The following NAALADL2 variants were observed in gnomAD, a reference collection of about 807,000 sequenced individuals.
The protein encoded by NAALADL2 is N-acetylated alpha-linked acidic dipeptidase like 2, also known as inactive N-acetylated-alpha-linked acidic dipeptidase-like protein 2.
Under a neutral mutation model 87.2 loss-of-function variants are expected in NAALADL2, and 76 were observed. That is an observed-to-expected ratio of 0.87 (90% CI 0.72 to 1.05). The LOEUF is 1.05. Among genes scored for constraint, NAALADL2 ranks in the 50% least tolerant of loss-of-function variants. The pLI is 0.00. For synonymous variants in NAALADL2, 354 were observed against 331.0 expected (o/e 1.07, Z -0.75); for missense variants, 1,089 against 945.8 (o/e 1.15, Z -1.99).
chr3:175,563,751 A>G (rs1306111283), intron 9 of NAALADL2, among the ~76,000 whole-genome samples: 1 of 152,066 alleles, frequency 6.6e-6, no homozygotes, highest in African/African-American at 2.4e-5. Context: ...TGAGTGAAAG[A>G]CTCCTTGGTA....
chr3:174,918,639 G>T (rs1386065374), intron 1 of NAALADL2, among the ~76,000 whole-genome samples: 1 of 152,078 alleles, frequency 6.6e-6, no homozygotes, highest in Non-Finnish European at 1.5e-5. Flanking sequence ...GTTACCTCAG[G>T]GTTGCTCCCA....
chr3:175,718,194 G>GTTTTTT, intron 11 of NAALADL2: 1 of 1,034,870 alleles, frequency 9.7e-7, no homozygotes, highest in Non-Finnish European at 1.3e-6. Flanking sequence ...AAGGGCCTGT[G>GTTTTTT]GTTTTTTTTT....
At chr3:175,336,060 A>G (rs1376257848) in intron 5 of NAALADL2, among the ~76,000 whole-genome samples, 1 of 151,988 alleles carries the variant, frequency 6.6e-6, no homozygotes, top group Non-Finnish European at 1.5e-5. Context: ...ACCCCTCCAT[A>G]TGATTATTGA....
intron 13 of NAALADL2, among the ~76,000 whole-genome samples, chr3:175,755,704 T>C (rs1427987041): frequency 6.6e-6 from 1 of 152,110 alleles, no homozygotes; most frequent in Non-Finnish European, 1.5e-5. Flanking sequence ...GCAAATGGAA[T>C]TATAGGTTGC....
At chr3:175,352,808 G>A (rs1044689782) in intron 5 of NAALADL2, among the ~76,000 whole-genome samples, 5 of 152,094 alleles carry the variant, frequency 3.3e-5, no homozygotes, top group African/African-American at 1.2e-4. Context: ...TTACATTTAT[G>A]GGTATGGGTA....
intron 3 of NAALADL2, among the ~76,000 whole-genome samples, chr3:174,835,204 T>A (rs1239560141): frequency 6.6e-6 from 1 of 152,084 alleles, no homozygotes; most frequent in East Asian, 1.9e-4. Context: ...GTGCTAGAAC[T>A]ATTGGATATC....
At chr3:174,699,688 G>A (rs4452339) in intron 2 of NAALADL2, among the ~76,000 whole-genome samples, 33,714 of 151,828 alleles carry the variant, frequency 0.22, 5,519 homozygotes, top group East Asian at 0.49. Flanking sequence ...CAGTAATTCT[G>A]TGGAATTCCC....
chr3:174,683,721 TATAAG>T (rs10531339), intron 2 of NAALADL2, among the ~76,000 whole-genome samples: 111,247 of 151,176 alleles, frequency 0.74, 41,306 homozygotes, highest in African/African-American at 0.81. Flanking sequence ...CCCTGCAAAA[TATAAG>T]AGAAGAATGA....
At chr3:174,830,596 G>A (rs1722563670) in intron 3 of NAALADL2, among the ~76,000 whole-genome samples, 2 of 151,890 alleles carry the variant, frequency 1.3e-5, no homozygotes, top group Non-Finnish European at 2.9e-5. Flanking sequence ...GGCGATGCGG[G>A]CTCTTTTTTG....
intron 1 of NAALADL2, among the ~76,000 whole-genome samples, chr3:175,054,659 A>G (rs1711726762): frequency 6.6e-6 from 1 of 152,216 alleles, no homozygotes; most frequent in Non-Finnish European, 1.5e-5. Flanking sequence ...TTAAAGGTAT[A>G]GGTTCTGGAT....
intron 5 of NAALADL2, among the ~76,000 whole-genome samples, chr3:175,398,344 CTTTTT>C (rs776575751): frequency 1.8e-5 from 2 of 112,090 alleles, no homozygotes; most frequent in Non-Finnish European, 1.8e-5. Context: ...GCTTCTGCTA[CTTTTT>C]TTTTTTTTTT....
chr3:175,198,804 A>C (rs545040179), intron 2 of NAALADL2, among the ~76,000 whole-genome samples: 10 of 151,414 alleles, frequency 6.6e-5, no homozygotes, highest in African/African-American at 1.9e-4. Context: ...TTTTTTTCCC[A>C]AAAACTCAGG....
intron 1 of NAALADL2, among the ~76,000 whole-genome samples, chr3:174,869,391 G>A (rs1044375414): frequency 2.0e-5 from 3 of 152,194 alleles, no homozygotes; most frequent in Non-Finnish European, 4.4e-5. Flanking sequence ...CTGAAGTTCA[G>A]TGAAGGAAAG....
At chr3:175,794,454 C>T (rs1444338489) in intron 13 of NAALADL2, among the ~76,000 whole-genome samples, 2 of 151,268 alleles carry the variant, frequency 1.3e-5, no homozygotes, top group African/African-American at 2.4e-5. Context: ...ATTGTGTTAA[C>T]TTCATTTGAT....
intron 11 of NAALADL2, among the ~76,000 whole-genome samples, chr3:175,677,249 G>C (rs896542564): frequency 2.6e-5 from 4 of 152,008 alleles, no homozygotes; most frequent in Non-Finnish European, 4.4e-5. Flanking sequence ...TGTAGTCCCA[G>C]CTACTCCAGA....
chr3:175,587,046 G>A (rs1370639908), intron 10 of NAALADL2, among the ~76,000 whole-genome samples: 2 of 152,150 alleles, frequency 1.3e-5, no homozygotes, highest in African/African-American at 2.4e-5. Context: ...TGAAAGGATG[G>A]TCCCAAGAGT....
chr3:175,620,302 C>G (rs981011953), intron 10 of NAALADL2, among the ~76,000 whole-genome samples: 1 of 152,170 alleles, frequency 6.6e-6, no homozygotes, highest in Non-Finnish European at 1.5e-5. Flanking sequence ...GGGATTCCGC[C>G]CCTGCCATGG....
chr3:175,573,293 A>C (rs1001735306), intron 9 of NAALADL2, among the ~76,000 whole-genome samples: 6 of 152,210 alleles, frequency 3.9e-5, no homozygotes, highest in Non-Finnish European at 8.8e-5. Context: ...TTGAAAAGAC[A>C]TACATGTTAC....
chr3:175,807,943 G>T lies in NAALADL2; in HGVS notation c.*4740G>T, dbSNP rs1222999164. The T allele has an allele frequency of 6.6e-6, 1 of 151,896 alleles. No homozygotes were observed. Among genetic ancestry groups the T allele is most frequent in the East Asian group, 1.9e-4 (1 of 5,154 alleles). The allele number at this position is 151,896 out of a possible 1,614,324, so 9.4% of individuals were successfully genotyped here. ...GACATGAATTTGAAGCGTAGCAAAAGAAATGTATAAAGATAGCCTTTTCTG... is the reference window on the plus strand; with the variant it reads ...GACATGAATTTGAAGCGTAGCAAAATAAATGTATAAAGATAGCCTTTTCTG... On this transcript the variant is annotated 3_prime_UTR_variant, in exon 14 of 14. Transcript: ENST00000454872.
Sources: allele counts gnomAD v4.1 joint callset (sites outside exome capture counted in the v4.1 genomes callset), GRCh38; gene constraint gnomAD v4.1.1; transcripts MANE v1.5; gene names NCBI Gene and HGNC (gene_info 2026-07-23, HGNC 2026-07-21).